The following FOXP1 variants were observed in gnomAD, a reference collection of about 807,000 sequenced individuals.
FOXP1 encodes forkhead box protein P1.
FOXP1 carries 15 observed loss-of-function variants against 98.2 expected under a neutral mutation model. The observed-to-expected ratio is 0.15, with a 90% confidence interval of 0.10 to 0.24. FOXP1 has a LOEUF of 0.24. Among genes scored for constraint, FOXP1 ranks in the 10% least tolerant of loss-of-function variants. The pLI is 1.00. For synonymous variants in FOXP1, 371 were observed against 314.5 expected, an observed-to-expected ratio of 1.18 and a Z score of -1.90; for missense variants, 633 against 848.5, an observed-to-expected ratio of 0.75 and a Z score of 3.15.
intron 6 of FOXP1, among the ~76,000 whole-genome samples, chr3:71,139,727 CCAACCAAGTGGAGA>C (rs1259274878): frequency 6.6e-6 from 1 of 152,108 alleles, no homozygotes; most frequent in Non-Finnish European, 1.5e-5. Context: ...CCCAAGGAAG[CCAACCAAGTGGAGA>C]CAGGGCTGGG....
At chr3:71,273,726 G>A (rs1266158035) in intron 5 of FOXP1, among the ~76,000 whole-genome samples, 1 of 152,148 alleles carries the variant, frequency 6.6e-6, no homozygotes. Context: ...TGGGGGGAGG[G>A]AGAGAAATAA....
At chr3:71,295,928 C>T (rs936731591) in intron 5 of FOXP1, among the ~76,000 whole-genome samples, 2 of 152,084 alleles carry the variant, frequency 1.3e-5, no homozygotes, top group Admixed American at 6.6e-5. Context: ...TCAACGGGAC[C>T]GTTTTTCCAG....
intron 11 of FOXP1, among the ~76,000 whole-genome samples, chr3:71,040,815 C>G (rs1483494883): frequency 2.6e-5 from 4 of 152,194 alleles, no homozygotes; most frequent in Admixed American, 2.6e-4. Flanking sequence ...TCTCCATCCT[C>G]CAAACCTTCA....
In FOXP1 at chr3:71,420,755, G is replaced by A. The variant is rs113066300; in HGVS notation, c.-167-61511C>T. On this transcript the variant is annotated intron_variant, in intron 3 of 20. Transcript: ENST00000649528. Reference sequence around the variant, plus strand: ...AGGGTCTCACTCTGTCACCCAGGCCGCAATGCAATGAAGCAATCAAGGCTC... The same window carrying A: ...AGGGTCTCACTCTGTCACCCAGGCCACAATGCAATGAAGCAATCAAGGCTC... 2.1e-3 allele frequency among the ~76,000 whole-genome samples: 312 copies of A among 150,334 alleles called. 1 individual carries two copies. Among genetic ancestry groups the A allele is most frequent in the African/African-American group, 6.8e-3 (278 of 40,786 alleles).
intron 20 of FOXP1, among the ~76,000 whole-genome samples, chr3:70,959,838 ACT>A (rs1246378903): frequency 1.3e-5 from 2 of 151,744 alleles, no homozygotes; most frequent in African/African-American, 4.8e-5. Flanking sequence ...GGGGCCTGAG[ACT>A]CTGCATCTCT....
chr3:71,393,407 TA>T lies in FOXP1; in HGVS notation c.-167-34164del, dbSNP rs534173669. 5.2e-3 allele frequency among the ~76,000 whole-genome samples: 769 copies of T among 148,054 alleles called. 3 individuals carry two copies. The Middle Eastern group carries it at 0.052, about 10-fold the overall frequency. On this transcript the variant is annotated intron_variant, in intron 3 of 20. Transcript: ENST00000649528. ...AATGATGACTATAGAAGACTCATAATAAAAAAAAAACTCATAAAATGTCACA... is the reference window on the plus strand; with the variant it reads ...AATGATGACTATAGAAGACTCATAATAAAAAAAAACTCATAAAATGTCACA...
chr3:71,095,018 G>A (rs1367026148), intron 7 of FOXP1, among the ~76,000 whole-genome samples: 1 of 152,202 alleles, frequency 6.6e-6, no homozygotes, highest in African/African-American at 2.4e-5. Context: ...TTAATATATT[G>A]TGTGTGAACT....
intron 12 of FOXP1, among the ~76,000 whole-genome samples, chr3:71,010,979 G>C (rs1417317290): frequency 6.6e-6 from 1 of 152,136 alleles, no homozygotes; most frequent in Admixed American, 6.5e-5. Context: ...AGACTGAACA[G>C]AGAAGTGGGA....
chr3:71,298,347 C>T (rs2073528818), intron 5 of FOXP1, among the ~76,000 whole-genome samples: 1 of 152,046 alleles, frequency 6.6e-6, no homozygotes, highest in African/African-American at 2.4e-5. Context: ...TGCCTGTAAT[C>T]CCAGCTACTC....
At chr3:71,186,518 C>T (rs2062654858) in intron 6 of FOXP1, among the ~76,000 whole-genome samples, 1 of 152,180 alleles carries the variant, frequency 6.6e-6, no homozygotes, top group Non-Finnish European at 1.5e-5. Flanking sequence ...CGAGACCATC[C>T]TGGCCAACAT....
chr3:70,988,226 T>C (rs771499459), intron 13 of FOXP1, 149 bp from the exon 14 acceptor site: 26 of 785,378 alleles, frequency 3.3e-5, no homozygotes, highest in Non-Finnish European at 4.8e-5. Context: ...TACATGACCA[T>C]TGCCAAACTC....
intron 6 of FOXP1, among the ~76,000 whole-genome samples, chr3:71,144,707 G>C (rs2060222961): frequency 6.6e-6 from 1 of 152,148 alleles, no homozygotes. Flanking sequence ...CTGACACATT[G>C]ATTTTTGGCA....
chr3:71,277,953 TG>T (rs2071088572), intron 5 of FOXP1, among the ~76,000 whole-genome samples: 1 of 152,082 alleles, frequency 6.6e-6, no homozygotes, highest in Admixed American at 6.6e-5. Context: ...AAGAATGCTG[TG>T]GCTGGCACGC....
intron 6 of FOXP1, among the ~76,000 whole-genome samples, chr3:71,189,331 G>A (rs1022236839): frequency 1.8e-4 from 27 of 152,148 alleles, no homozygotes; most frequent in Non-Finnish European, 3.1e-4. Context: ...GGGAACACAA[G>A]CATTTTATCA....
intron 11 of FOXP1, among the ~76,000 whole-genome samples, chr3:71,017,186 G>T (rs989417120): frequency 1.9e-4 from 29 of 151,992 alleles, no homozygotes; most frequent in African/African-American, 6.8e-4. Flanking sequence ...AACTGCATTG[G>T]ACTCAAGGAA....
chr3:71,526,031 C>A (rs773978786), intron 2 of FOXP1, among the ~76,000 whole-genome samples: 3 of 152,012 alleles, frequency 2.0e-5, no homozygotes, highest in Non-Finnish European at 2.9e-5. Context: ...TAAGGAAGGA[C>A]AACTGCTTGA....
At chr3:71,132,834 A>AAG (rs1480276556) in intron 6 of FOXP1, among the ~76,000 whole-genome samples, 6 of 152,146 alleles carry the variant, frequency 3.9e-5, no homozygotes, top group Non-Finnish European at 7.4e-5. Context: ...CAAACAAACA[A>AAG]AGCCAAAGCC....
intron 4 of FOXP1, among the ~76,000 whole-genome samples, chr3:71,354,524 G>A (rs767662131): frequency 8.5e-5 from 13 of 152,234 alleles, no homozygotes; most frequent in Non-Finnish European, 1.9e-4. Flanking sequence ...GACAGGTCAT[G>A]AGCATCCAAC....
rs1332628597 is a variant in FOXP1 at position 70,957,938 on chromosome 3, C to A, written c.*1309G>T. 1 of 244,762 alleles carries A rather than the reference C, an allele frequency of 4.1e-6. No homozygotes were observed. Among genetic ancestry groups the A allele is most frequent in the Non-Finnish European group, 8.0e-6 (1 of 124,950 alleles). The allele number at this position is 244,762 out of a possible 1,614,324, so 15.2% of individuals were successfully genotyped here. On this transcript the variant is annotated 3_prime_UTR_variant, in exon 21 of 21. Transcript: ENST00000649528. ...GTAGGTCTGAACTAATGTATAAACTCAGCGCCGCCGCCGCCACCCCTACTT... is the reference window on the plus strand; with the variant it reads ...GTAGGTCTGAACTAATGTATAAACTAAGCGCCGCCGCCGCCACCCCTACTT...
Sources: allele counts gnomAD v4.1 joint callset (sites outside exome capture counted in the v4.1 genomes callset), GRCh38; gene constraint gnomAD v4.1.1; transcripts MANE v1.5; gene names NCBI Gene and HGNC (gene_info 2026-07-23, HGNC 2026-07-21).